FANCL: variants seen among roughly 807,000 people sequenced by gnomAD.
The protein encoded by FANCL is E3 ubiquitin-protein ligase FANCL.
Under a neutral mutation model 59.4 loss-of-function variants are expected in FANCL, and 69 were observed. The observed-to-expected ratio is 1.16, with a 90% CI of 0.96 to 1.42. The LOEUF is 1.42. FANCL is among the 40% of genes most tolerant of loss of function. The pLI is 0.00. For synonymous variants in FANCL, 180 were observed against 147.1 expected (o/e 1.22, Z -1.62); for missense variants, 519 against 447.2 (o/e 1.16, Z -1.45).
chr2:58,166,918 T>A (rs772964961), intron 7 of FANCL, among the ~76,000 whole-genome samples: 18 of 152,210 alleles, frequency 1.2e-4, no homozygotes, highest in Non-Finnish European at 2.1e-4. Context: ...CTACACATAT[T>A]TTTTTAAAAA....
intron 7 of FANCL, among the ~76,000 whole-genome samples, chr2:58,196,247 T>C (rs1037806123): frequency 2.6e-4 from 39 of 151,976 alleles, no homozygotes; most frequent in African/African-American, 8.7e-4. Context: ...AAAGGAAAGA[T>C]GGGAAGGAGG....
chr2:58,207,252 G>A (rs1015907629), intron 5 of FANCL, among the ~76,000 whole-genome samples: 1 of 152,116 alleles, frequency 6.6e-6, no homozygotes, highest in African/African-American at 2.4e-5. Context: ...CATGAGGACA[G>A]GAACAACACT....
At chr2:58,171,533 C>A (rs566554996) in intron 7 of FANCL, among the ~76,000 whole-genome samples, 5 of 152,104 alleles carry the variant, frequency 3.3e-5, no homozygotes, top group Non-Finnish European at 5.9e-5. Flanking sequence ...CAGAGCAGAA[C>A]TGAAGGAGAT....
Position 58,218,001 on chromosome 2 carries a change from A to G in FANCL, c.374+3941T>C, listed in dbSNP as rs561275468. The stretch of plus-strand genomic sequence containing the variant: ...AAGTATTGAGATAATTAAAAGGATG[A>G]TTTCTGACAAAAGTAGACTTAAACT... On this transcript the variant is annotated intron_variant, in intron 5 of 13. Coordinates refer to ENST00000233741, the MANE Select transcript of FANCL (RefSeq NM_018062.4). Among the ~76,000 whole-genome samples the G allele has an allele frequency of 3.6e-3, 542 of 152,248 alleles. 10 individuals are homozygous for G. The highest frequency in any genetic ancestry group is 0.012 in the African/African-American group (517 of 41,522).
At chr2:58,188,987 G>C (rs1297502638) in intron 7 of FANCL, among the ~76,000 whole-genome samples, 1 of 152,040 alleles carries the variant, frequency 6.6e-6, no homozygotes, top group Admixed American at 6.5e-5. Flanking sequence ...ATTCTGCCAA[G>C]GAAAAAAGAC....
chr2:58,173,237 C>T (rs907239061), intron 7 of FANCL, among the ~76,000 whole-genome samples: 2 of 152,160 alleles, frequency 1.3e-5, no homozygotes, highest in African/African-American at 4.8e-5. Context: ...AGGAGAACTT[C>T]CCCAATCTAG....
intron 7 of FANCL, among the ~76,000 whole-genome samples, chr2:58,193,666 TA>T (rs1392685569): frequency 2.0e-5 from 3 of 152,098 alleles, no homozygotes; most frequent in African/African-American, 7.2e-5. Context: ...TCCACTACTG[TA>T]AGTCCTCCAA....
Position 58,165,765 on chromosome 2 carries a change from T to C in FANCL, c.650A>G (p.Glu217Gly), listed in dbSNP as rs1360050423. The C allele has an allele frequency of 1.9e-6, 3 of 1,614,164 alleles. No individual in the cohort carries two copies. The highest frequency in any genetic ancestry group is 2.5e-6 in the Non-Finnish European group (3 of 1,180,008). The change falls in exon 8 of 14, where the codon GAA becomes GGA. Residue 217 changes from glutamate to glycine, a missense_variant. Physicochemically the swap from Glu to Gly is moderately conservative, Grantham distance 98. Transcript: ENST00000233741. Reference protein sequence around the residue: ...IDEKTWVLEPEKPPRSATARR... With the variant: ...IDEKTWVLEPGKPPRSATARR... The stretch of plus-strand genomic sequence containing the variant: ...TGCTGTTGCACTCCGTGGAGGTTTT[T>C]CTGGCTCAAGTACCCAGGTCTTCTC...
chr2:58,226,416 C>T (rs971731056), intron 4 of FANCL, among the ~76,000 whole-genome samples: 2 of 152,062 alleles, frequency 1.3e-5, no homozygotes, highest in African/African-American at 4.8e-5. Flanking sequence ...GTAGGACTAC[C>T]TAATCTCTTC....
At chr2:58,234,872 G>A (rs2103961628) in intron 1 of FANCL, among the ~76,000 whole-genome samples, 1 of 152,124 alleles carries the variant, frequency 6.6e-6, no homozygotes, top group Non-Finnish European at 1.5e-5. Context: ...GAGTTAAAAG[G>A]ACAGGATTTA....
chr2:58,217,923 C>T (rs1454325014), intron 5 of FANCL, among the ~76,000 whole-genome samples: 1 of 152,038 alleles, frequency 6.6e-6, no homozygotes, highest in Non-Finnish European at 1.5e-5. Flanking sequence ...AAATAGAACA[C>T]ATACCAAAAT....
chr2:58,188,399 C>T (rs891498804), intron 7 of FANCL, among the ~76,000 whole-genome samples: 5 of 151,956 alleles, frequency 3.3e-5, no homozygotes, highest in African/African-American at 7.3e-5. Context: ...AGCCTTTGCA[C>T]ATACATTTTG....
At chr2:58,160,322 TG>T (rs1292996325) in intron 12 of FANCL, 143 bp from the exon 13 acceptor site, 6 of 808,274 alleles carry the variant, frequency 7.4e-6, no homozygotes, top group Non-Finnish European at 1.3e-5. Flanking sequence ...GAGTAAGGGA[TG>T]TATTTCCTGA....
At chr2:58,207,070 T>G (rs1478374067) in intron 5 of FANCL, among the ~76,000 whole-genome samples, 1 of 152,156 alleles carries the variant, frequency 6.6e-6, no homozygotes, top group South Asian at 2.1e-4. Flanking sequence ...TAGCTGCCCT[T>G]GCAAGGAGGT....
At chr2:58,210,048 A>G (rs1690977251) in intron 5 of FANCL, among the ~76,000 whole-genome samples, 1 of 152,208 alleles carries the variant, frequency 6.6e-6, no homozygotes, top group Non-Finnish European at 1.5e-5. Flanking sequence ...TCTAAATGAT[A>G]AATAATATAT....
chr2:58,211,715 T>C (rs1691180138), intron 5 of FANCL, among the ~76,000 whole-genome samples: 1 of 152,200 alleles, frequency 6.6e-6, no homozygotes, highest in Non-Finnish European at 1.5e-5. Context: ...CCAGATACCC[T>C]AAATCATCTC....
intron 6 of FANCL, among the ~76,000 whole-genome samples, chr2:58,200,528 T>C (rs919252424): frequency 2.0e-5 from 3 of 152,038 alleles, no homozygotes; most frequent in African/African-American, 7.2e-5. Flanking sequence ...ATGAACAATA[T>C]CAACTCTCTA....
chr2:58,166,181 CACA>C (rs1685939033), intron 7 of FANCL, among the ~76,000 whole-genome samples: 1 of 151,992 alleles, frequency 6.6e-6, no homozygotes, highest in Non-Finnish European at 1.5e-5. Context: ...TGTATGTACA[CACA>C]ACTTTAATAA....
At position 58,163,031 on chromosome 2, in the gene FANCL, C is replaced by T; in HGVS notation, c.819G>A (p.Leu273=). ...LGIKLSRNIH[L]WDPENSVLQN... is the part of the protein sequence containing the mutation. ...AATTATATTGCCAAGGTACCTACCA[C>T]AAATGTATGTTCCTGCTCAGCTTAA... The change falls in exon 10 of 14, where the codon TTG becomes TTA. Residue 273 remains leucine, a splice_region_variant and synonymous_variant. Coordinates refer to ENST00000233741, the MANE Select transcript of FANCL (RefSeq NM_018062.4). 6.2e-7 allele frequency: 1 copy of T among 1,612,458 alleles called. No homozygotes were observed. Among genetic ancestry groups the T allele is most frequent in the South Asian group, 1.1e-5 (1 of 91,012 alleles).
Sources: allele counts gnomAD v4.1 joint callset (sites outside exome capture counted in the v4.1 genomes callset), GRCh38; gene constraint gnomAD v4.1.1; transcripts MANE v1.5; gene names NCBI Gene and HGNC (gene_info 2026-07-23, HGNC 2026-07-21).